PIWIL3: variants seen among roughly 807,000 people sequenced by gnomAD.
PIWIL3 encodes the protein piwi-like protein 3.
PIWIL3 carries 101 observed loss-of-function variants against 109.7 expected under a neutral mutation model. That is an observed-to-expected ratio of 0.92 (90% CI 0.78 to 1.09). The LOEUF (loss-of-function observed/expected upper bound fraction) is 1.09, where lower values mean the gene tolerates loss of function less well. PIWIL3 is among the 50% of genes least tolerant of loss of function. PIWIL3 has a pLI of 0.00. For synonymous variants in PIWIL3, 373 were observed against 376.4 expected (o/e 0.99, Z 0.10); for missense variants, 1,031 against 1,072.6 (o/e 0.96, Z 0.54).
chr22:24,725,141 G>A, intron 17 of PIWIL3, 104 bp from the exon 18 acceptor site: 2 of 1,383,808 alleles, frequency 1.4e-6, no homozygotes, highest in Admixed American at 2.0e-5. Flanking sequence ...GCAGCTTTCA[G>A]GGCAATTTTA....
rs189918585 is a variant in PIWIL3 at position 24,754,477 on chromosome 22, G to A, written c.774-260C>T. On this transcript the variant is annotated intron_variant, in intron 7 of 20. Transcript: ENST00000616349. ...ATGTTTAATATACACATATACCAGTGAGTAATATATATAGTTGCTATGATT... is the reference window on the plus strand; with the variant it reads ...ATGTTTAATATACACATATACCAGTAAGTAATATATATAGTTGCTATGATT... 3.4e-3 allele frequency among the ~76,000 whole-genome samples: 468 copies of A among 138,140 alleles called. 3 individuals are homozygous for A. Among genetic ancestry groups the A allele is most frequent in the African/African-American group, 0.011 (436 of 40,464 alleles). The allele number at this position is 138,140 out of a possible 152,430, so 90.6% of individuals were successfully genotyped here. A position where few individuals can be genotyped will look rare whatever the true frequency, so the allele number is the denominator to read the frequency against.
At chr22:24,731,576 G>A (rs182342068) in intron 14 of PIWIL3, among the ~76,000 whole-genome samples, 253 of 152,016 alleles carry the variant, frequency 1.7e-3, no homozygotes, top group African/African-American at 5.9e-3. Flanking sequence ...GCATGAACCC[G>A]GGAGGCGGAG....
chr22:24,760,802 A>AAAAAAAAAAAAAAAAAAAAAAAAAAC, intron 2 of PIWIL3, among the ~76,000 whole-genome samples: 1 of 149,448 alleles, frequency 6.7e-6, no homozygotes, highest in Non-Finnish European at 1.5e-5. Flanking sequence ...AAAAAAAAAA[A>AAAAAAAAAAAAAAAAAAAAAAAAAAC]AGCTGTGACA....
At chr22:24,732,031 A>G (rs1196764424) in intron 14 of PIWIL3, among the ~76,000 whole-genome samples, 1 of 152,252 alleles carries the variant, frequency 6.6e-6, no homozygotes. Flanking sequence ...TGTACCTACC[A>G]TAAAGAAAAC....
At chr22:24,760,162 T>C (rs1925334709) in intron 2 of PIWIL3, among the ~76,000 whole-genome samples, 173 bp from the exon 3 acceptor site, 1 of 151,888 alleles carries the variant, frequency 6.6e-6, no homozygotes, top group African/African-American at 2.4e-5. Flanking sequence ...TGGTAATTGC[T>C]AAGGAAAAAA....
chr22:24,757,915 T>G lies in PIWIL3; in HGVS notation c.348A>C (p.Ser116=). 1 of 1,605,336 alleles carries G rather than the reference T, an allele frequency of 6.2e-7. No individual in the cohort carries two copies. The highest frequency in any genetic ancestry group is 1.1e-5 in the South Asian group (1 of 89,080). Residue 116 remains serine, a synonymous_variant, in exon 4 of 21, where the codon TCA becomes TCC. Transcript: ENST00000616349. ...AGTTCTAGACCAACATACCTGTTTT[T>G]GAGTCTTTAACATGCTTCATATCTT... ...TRQDMKHVKD[S]KTGSEGTVVQ...
At position 24,751,585 on chromosome 22, in the gene PIWIL3, AG is replaced by A. The variant is rs1924715082; in HGVS notation, c.978-88del. 9.1e-6 allele frequency: 14 copies of A among 1,539,670 alleles called. 1 individual carries two copies. The South Asian group carries it at 1.7e-4, about 18-fold the overall frequency. Reference sequence around the variant, plus strand: ...GAAAATAGACATTTTTAATCCTGCAAGGAATTGCAGAATATATTAGATTTAC... The same window carrying A: ...GAAAATAGACATTTTTAATCCTGCAAGAATTGCAGAATATATTAGATTTAC... On this transcript the variant is annotated intron_variant, in intron 8 of 20. Coordinates refer to ENST00000616349, the MANE Select transcript of PIWIL3 (RefSeq NM_001255975.1).
At position 24,754,882 on chromosome 22, in the gene PIWIL3, A is replaced by G. The variant is rs759769631; in HGVS notation, c.693-18T>C. ...TGAAAGTTCTGGAAATGGAAAGAAT[A>G]GATTTTGTTGAAAGTACAGGGTACA... is the stretch of plus-strand genomic sequence containing the variant. On this transcript the variant is annotated intron_variant, in intron 6 of 20. Transcript: ENST00000616349. 1 of 1,602,500 alleles carries G rather than the reference A, an allele frequency of 6.2e-7. No homozygotes were observed. Among genetic ancestry groups the G allele is most frequent in the South Asian group, 1.1e-5 (1 of 90,898 alleles).
chr22:24,724,561 A>T (rs970800260), intron 18 of PIWIL3, among the ~76,000 whole-genome samples: 1 of 151,464 alleles, frequency 6.6e-6, no homozygotes, highest in Non-Finnish European at 1.5e-5. Flanking sequence ...CAGCCTCCCG[A>T]GTAGCTGGGA....
Position 24,754,189 on chromosome 22 carries a change from C to T in PIWIL3, c.802G>A (p.Val268Ile), listed in dbSNP as rs371246992. 7.4e-6 allele frequency: 12 copies of T among 1,613,822 alleles called. No individual in the cohort carries two copies. Among genetic ancestry groups the T allele is most frequent in the Non-Finnish European group, 1.0e-5 (12 of 1,179,876 alleles). Residue 268 changes from valine (V) to isoleucine (I), a missense_variant, in exon 8 of 21, where the codon GTT becomes ATT. Val to Ile is a conservative substitution (Grantham distance 29, BLOSUM62 3). Coordinates refer to ENST00000616349, the MANE Select transcript of PIWIL3 (RefSeq NM_001255975.1). ...TTTTCGTATTGAAGAACAGAAGTAACATAACCAAGCCAGATTTCCAAACTG... is the reference window on the plus strand; with the variant it reads ...TTTTCGTATTGAAGAACAGAAGTAATATAACCAAGCCAGATTTCCAAACTG... ...GTSLEIWLGYVTSVLQYENSI... is the reference protein window; with the variant it reads ...GTSLEIWLGYITSVLQYENSI...
intron 16 of PIWIL3, among the ~76,000 whole-genome samples, chr22:24,726,119 G>C (rs1346761233): frequency 1.3e-5 from 2 of 152,136 alleles, no homozygotes; most frequent in Non-Finnish European, 2.9e-5. Context: ...TTCACTGCTA[G>C]TGTCAGCATC....
At position 24,734,078 on chromosome 22, in the gene PIWIL3, A is replaced by T; in HGVS notation, c.1707+6T>A. The T allele has an allele frequency of 1.2e-6, 2 of 1,607,976 alleles. No individual in the cohort carries two copies. Among genetic ancestry groups the T allele is most frequent in the Non-Finnish European group, 1.7e-6 (2 of 1,178,094 alleles). Reference sequence around the variant, plus strand: ...AAGATTGTACATGTATCAACTAGACACTTACCATCTGCAGTGTTGGTCTAG... The same window carrying T: ...AAGATTGTACATGTATCAACTAGACTCTTACCATCTGCAGTGTTGGTCTAG... On this transcript the variant is annotated splice_donor_region_variant and intron_variant, in intron 14 of 20. Coordinates refer to ENST00000616349, the MANE Select transcript of PIWIL3 (RefSeq NM_001255975.1).
chr22:24,752,266 G>A (rs1924754944), intron 8 of PIWIL3, among the ~76,000 whole-genome samples: 1 of 152,116 alleles, frequency 6.6e-6, no homozygotes, highest in South Asian at 2.1e-4. Context: ...AAGCAAGCTG[G>A]AAGCTTACAT....
At chr22:24,744,982 T>C (rs776471066) in intron 12 of PIWIL3, among the ~76,000 whole-genome samples, 2 of 152,110 alleles carry the variant, frequency 1.3e-5, no homozygotes, top group African/African-American at 2.4e-5. Flanking sequence ...ATATATTAGG[T>C]TACAAAAGAA....
chr22:24,771,944 T>C (rs7284793), intron 1 of PIWIL3, among the ~76,000 whole-genome samples: 50,701 of 152,010 alleles, frequency 0.33, 8,754 homozygotes, highest in East Asian at 0.55. Context: ...TCCACCTGCA[T>C]TGGCCTCCCA....
chr22:24,750,881 C>T (rs1038274183), intron 9 of PIWIL3, among the ~76,000 whole-genome samples: 2 of 150,544 alleles, frequency 1.3e-5, no homozygotes, highest in African/African-American at 4.9e-5. Context: ...CCCAGCACTT[C>T]GGGAGGCCAA....
In PIWIL3 at chr22:24,756,497, T is replaced by C; in HGVS notation, c.564A>G (p.Lys188=). 2 of 1,612,976 alleles carry C rather than the reference T, an allele frequency of 1.2e-6. No individual in the cohort carries two copies. Among genetic ancestry groups the C allele is most frequent in the East Asian group, 4.5e-5 (2 of 44,874 alleles). ...GNSLLLSRPL[K]ERRVEWLSTT... is the part of the protein sequence containing the mutation. ...TGAAACAACATTACTTAACCCGCTC[T>C]TTTAGTGGCCGAGATAATAATAAAG... The change falls in exon 5 of 21, where the codon AAA becomes AAG. Residue 188 remains lysine, a synonymous_variant. Coordinates refer to ENST00000616349, the MANE Select transcript of PIWIL3 (RefSeq NM_001255975.1).
At chr22:24,756,371 T>C (rs1925030860) in intron 5 of PIWIL3, 120 bp downstream of exon 5, 5 of 925,390 alleles carry the variant, frequency 5.4e-6, no homozygotes, top group Admixed American at 5.3e-5. Context: ...ACAAGTCATA[T>C]GGGCAAGAGA....
At chr22:24,722,168 C>T (rs1321841135) in intron 19 of PIWIL3, among the ~76,000 whole-genome samples, 1 of 152,122 alleles carries the variant, frequency 6.6e-6, no homozygotes, top group East Asian at 1.9e-4. Context: ...CTGCAAGCTC[C>T]GCCTCCCTGG....
Sources: allele counts gnomAD v4.1 joint callset (sites outside exome capture counted in the v4.1 genomes callset), GRCh38; gene constraint gnomAD v4.1.1; transcripts MANE v1.5; gene names NCBI Gene and HGNC (gene_info 2026-07-23, HGNC 2026-07-21).